Variants in FHOD3 observed in about 807,000 individuals in gnomAD.
FHOD3 encodes formin homology 2 domain containing 3, also known as FH1/FH2 domain-containing protein 3.
In FHOD3, 90 loss-of-function variants were observed where a neutral mutation model predicts 173.0. The ratio of observed to expected loss-of-function variants is 0.52; its 90% CI spans 0.44 to 0.62. FHOD3 has a LOEUF of 0.62. Among genes scored for constraint, FHOD3 ranks in the 20% least tolerant of loss-of-function variants. The pLI is 0.00. For synonymous variants in FHOD3, 828 were observed against 823.0 expected (o/e 1.01, Z -0.10); for missense variants, 1,945 against 2,034.7 (o/e 0.96, Z 0.85).
At chr18:36,619,118 T>G (rs1373190606) in intron 9 of FHOD3, among the ~76,000 whole-genome samples, 4 of 152,190 alleles carry the variant, frequency 2.6e-5, no homozygotes, top group Non-Finnish European at 5.9e-5. Context: ...TGTATTTCAT[T>G]CATGTACTTG....
intron 3 of FHOD3, among the ~76,000 whole-genome samples, chr18:36,475,374 T>C (rs184226375): frequency 1.3e-4 from 19 of 147,828 alleles, no homozygotes; most frequent in African/African-American, 4.0e-4. Context: ...TGTGATTCCT[T>C]TGGAGATCTC....
In FHOD3 at chr18:36,709,249, A is replaced by G. The variant is rs775400209; in HGVS notation, c.2391A>G (p.Glu797=). The change falls in exon 18 of 29, where the codon GAA becomes GAG. Residue 797 remains glutamate, a synonymous_variant. Coordinates refer to ENST00000590592, the MANE Select transcript of FHOD3 (RefSeq NM_001281740.3). The stretch of plus-strand genomic sequence containing the variant: ...AGGCACTAGAGCAAGAGCCGGAAGA[A>G]AGAGCCTCCCTCAGTGAAAAAGAGA... ...VEQALEQEPE[E]RASLSEKERQ... is the part of the protein sequence containing the mutation. 6.9e-5 allele frequency: 111 copies of G among 1,614,090 alleles called. No individual in the cohort carries two copies. The highest frequency in any genetic ancestry group is 9.4e-5 in the Non-Finnish European group (111 of 1,180,046).
At chr18:36,378,669 G>A (rs1330356255) in intron 3 of FHOD3, among the ~76,000 whole-genome samples, 3 of 143,648 alleles carry the variant, frequency 2.1e-5, no homozygotes, top group Non-Finnish European at 4.6e-5. Flanking sequence ...ATACATGAGA[G>A]TGTAGTTTTT....
At chr18:36,357,338 C>A (rs183415040) in intron 2 of FHOD3, among the ~76,000 whole-genome samples, 2 of 152,320 alleles carry the variant, frequency 1.3e-5, no homozygotes, top group Admixed American at 1.3e-4. Flanking sequence ...TCTGAATGTC[C>A]AGGATTTGGC....
chr18:36,392,368 G>A (rs902725884), intron 3 of FHOD3, among the ~76,000 whole-genome samples: 1 of 152,136 alleles, frequency 6.6e-6, no homozygotes, highest in Non-Finnish European at 1.5e-5. Flanking sequence ...AGTGAGAGCC[G>A]AGCTGAAATA....
intron 3 of FHOD3, among the ~76,000 whole-genome samples, chr18:36,412,092 T>C (rs1428845931): frequency 1.3e-5 from 2 of 152,066 alleles, no homozygotes; most frequent in Non-Finnish European, 2.9e-5. Context: ...TTTCCCACAA[T>C]CCCCCATCCC....
intron 3 of FHOD3, among the ~76,000 whole-genome samples, chr18:36,491,604 T>G (rs57630412): frequency 6.6e-6 from 1 of 152,268 alleles, no homozygotes; most frequent in African/African-American, 2.4e-5. Context: ...AGGCAACCAC[T>G]GATCTTTTTA....
intron 21 of FHOD3, among the ~76,000 whole-genome samples, chr18:36,742,110 G>A (rs1020541919): frequency 3.3e-5 from 5 of 152,146 alleles, no homozygotes; most frequent in Admixed American, 6.5e-5. Flanking sequence ...GATATAGGCT[G>A]GGGGAGAGCC....
chr18:36,620,542 G>A (rs1026382675), intron 9 of FHOD3, among the ~76,000 whole-genome samples: 19 of 152,180 alleles, frequency 1.2e-4, no homozygotes, highest in African/African-American at 4.1e-4. Context: ...GCTACTCTAA[G>A]CCATATGTCT....
chr18:36,412,176 A>T (rs763741449), intron 3 of FHOD3, among the ~76,000 whole-genome samples: 18 of 152,196 alleles, frequency 1.2e-4, no homozygotes, highest in Non-Finnish European at 1.3e-4. Context: ...GATGGGTTGC[A>T]GGGGATTGAA....
At chr18:36,360,047 A>G (rs2046534396) in intron 2 of FHOD3, among the ~76,000 whole-genome samples, 1 of 152,218 alleles carries the variant, frequency 6.6e-6, no homozygotes. Flanking sequence ...CACAGGGCTG[A>G]GCTGGGCCAG....
At chr18:36,574,632 T>C (rs1480867917) in intron 5 of FHOD3, among the ~76,000 whole-genome samples, 5 of 152,164 alleles carry the variant, frequency 3.3e-5, no homozygotes, top group African/African-American at 1.2e-4. Flanking sequence ...CTGTGAATTT[T>C]TTTATTGTAT....
At chr18:36,776,185 CT>C (rs879763120) in intron 28 of FHOD3, among the ~76,000 whole-genome samples, 717 of 139,580 alleles carry the variant, frequency 5.1e-3, no homozygotes, top group Middle Eastern at 0.014. Context: ...TGTCCCCAGC[CT>C]TTTTTTTTTT....
chr18:36,590,694 T>TA (rs1304237994), intron 6 of FHOD3, among the ~76,000 whole-genome samples: 1 of 152,022 alleles, frequency 6.6e-6, no homozygotes, highest in East Asian at 1.9e-4. Context: ...GGGATTTTTT[T>TA]AAAAAAACAA....
intron 19 of FHOD3, among the ~76,000 whole-genome samples, chr18:36,729,915 T>A (rs138886806): frequency 3.3e-4 from 51 of 152,324 alleles, no homozygotes; most frequent in South Asian, 1.9e-3. Context: ...AAGCCACACA[T>A]AAAAGGGCTT....
chr18:36,770,778 T>A (rs2043341879), intron 28 of FHOD3, among the ~76,000 whole-genome samples: 1 of 152,186 alleles, frequency 6.6e-6, no homozygotes, highest in Non-Finnish European at 1.5e-5. Flanking sequence ...TTTAAATTCC[T>A]GATATCTGGG....
At chr18:36,613,237 G>A (rs924306306) in intron 9 of FHOD3, among the ~76,000 whole-genome samples, 8 of 152,222 alleles carry the variant, frequency 5.3e-5, no homozygotes, top group African/African-American at 1.9e-4. Flanking sequence ...AGGAATGGCA[G>A]ACATGCATGT....
intron 10 of FHOD3, among the ~76,000 whole-genome samples, chr18:36,637,850 T>C (rs1041301660): frequency 3.3e-5 from 5 of 152,192 alleles, no homozygotes; most frequent in African/African-American, 4.8e-5. Flanking sequence ...AATTGGGGAC[T>C]AGCTAGATCA....
intron 1 of FHOD3, among the ~76,000 whole-genome samples, chr18:36,310,817 C>T (rs931655052): frequency 4.0e-5 from 6 of 151,620 alleles, no homozygotes; most frequent in African/African-American, 1.5e-4. Context: ...AGGTAAAGGG[C>T]ACCTGGTACA....
Sources: allele counts gnomAD v4.1 joint callset (sites outside exome capture counted in the v4.1 genomes callset), GRCh38; gene constraint gnomAD v4.1.1; transcripts MANE v1.5; gene names NCBI Gene and HGNC (gene_info 2026-07-23, HGNC 2026-07-21).